FARS2: variants seen among roughly 807,000 people sequenced by gnomAD.
FARS2 encodes phenylalanine--tRNA ligase, mitochondrial.
Under a neutral mutation model 46.4 loss-of-function variants are expected in FARS2, and 40 were observed. That is an observed-to-expected ratio of 0.86 (90% confidence interval 0.67 to 1.12). FARS2 has a LOEUF of 1.12. Among genes scored for constraint, FARS2 ranks in the 50% most tolerant of loss-of-function variants. The pLI is 0.00. For missense variants in FARS2, 513 were observed against 567.9 expected, an observed-to-expected ratio of 0.90 and a Z score of 0.98; for synonymous variants, 234 against 214.9, an observed-to-expected ratio of 1.09 and a Z score of -0.78.
chr6:5,526,554 C>G (rs191669863), intron 4 of FARS2, among the ~76,000 whole-genome samples: 1 of 152,116 alleles, frequency 6.6e-6, no homozygotes, highest in Non-Finnish European at 1.5e-5. Context: ...TTTTGGAAAG[C>G]AATTTTTCTA....
rs751490637 is a variant in FARS2, at chr6:5,632,636, T to TCC, written c.1217+19316_1217+19317insCC. ...TTCCTTTCCTCCCTCCCTCCCTCCC[T>TCC]TCTTCCTTCCTTCCTTCCTTCCTCC... On this transcript the variant is annotated intron_variant, in intron 6 of 6. Coordinates refer to ENST00000274680, the MANE Select transcript of FARS2 (RefSeq NM_006567.5). 6.0e-4 allele frequency among the ~76,000 whole-genome samples: 47 copies of TCC among 78,868 alleles called. No homozygotes were observed. In the East Asian group the frequency reaches 7.9e-3, roughly 13 times the overall value. 51.7% of individuals were successfully genotyped at this position (78,868 alleles called of 152,430 possible).
Position 5,508,648 on chromosome 6 carries a change from CT to C in FARS2, c.905-36531del, listed in dbSNP as rs369770025. The stretch of plus-strand genomic sequence containing the variant: ...TACAGGACAGAAGTGAGACCGAAGT[CT>C]GAATTGAAGGCCCTGAAAGGTAAAA... On this transcript the variant is annotated intron_variant, in intron 4 of 6. Transcript: ENST00000274680. 6.8e-3 allele frequency among the ~76,000 whole-genome samples: 1,037 copies of C among 152,328 alleles called. 11 individuals carry two copies. The highest frequency in any genetic ancestry group is 0.024 in the African/African-American group (994 of 41,582).
At chr6:5,509,574 C>A (rs926058925) in intron 4 of FARS2, among the ~76,000 whole-genome samples, 1 of 152,060 alleles carries the variant, frequency 6.6e-6, no homozygotes, top group Non-Finnish European at 1.5e-5. Context: ...AAGGGTAAGG[C>A]GAGAGGTCCC....
In FARS2 at chr6:5,330,938, T is replaced by C. The variant is rs551272619; in HGVS notation, c.-21-37612T>C. 1.3e-4 allele frequency among the ~76,000 whole-genome samples: 20 copies of C among 152,016 alleles called. No homozygotes were observed. The South Asian group carries it at 4.2e-3, about 32-fold the overall frequency. On this transcript the variant is annotated intron_variant, in intron 1 of 6. Transcript: ENST00000274680. ...CTGGGCAACATGGTAAAACCCCATC[T>C]CCAAAAAAATCCCCAAAATTAGCCA...
intron 3 of FARS2, among the ~76,000 whole-genome samples, chr6:5,422,763 C>CTGTT (rs1762626007): frequency 1.3e-5 from 2 of 152,108 alleles, no homozygotes; most frequent in Admixed American, 6.5e-5. Context: ...ATGTCAGTTA[C>CTGTT]CCAGGAACAC....
At chr6:5,425,618 C>T (rs1177338842) in intron 3 of FARS2, among the ~76,000 whole-genome samples, 1 of 152,156 alleles carries the variant, frequency 6.6e-6, no homozygotes, top group Non-Finnish European at 1.5e-5. Context: ...GTGCTGCCTT[C>T]CCCATCCCTG....
At chr6:5,732,587 A>G (rs6926774) in intron 6 of FARS2, among the ~76,000 whole-genome samples, 54,242 of 152,088 alleles carry the variant, frequency 0.36, 11,814 homozygotes, top group East Asian at 0.82. Context: ...AGAACTTGGA[A>G]AGAAGAGTGG....
chr6:5,747,375 T>C (rs1288879923), intron 6 of FARS2, among the ~76,000 whole-genome samples: 1 of 152,170 alleles, frequency 6.6e-6, no homozygotes, highest in Non-Finnish European at 1.5e-5. Flanking sequence ...AGTTAGACCA[T>C]TGCAAAAATG....
At chr6:5,687,068 G>C (rs1432447710) in intron 6 of FARS2, among the ~76,000 whole-genome samples, 2 of 152,068 alleles carry the variant, frequency 1.3e-5, no homozygotes, top group East Asian at 3.9e-4. Context: ...TTGTAAATTT[G>C]TTTGAGTTCA....
rs532900992 is a variant in FARS2, at chr6:5,354,589, C to A, written c.-21-13961C>A. Among the ~76,000 whole-genome samples, 40 of 151,574 alleles carry A rather than the reference C, an allele frequency of 2.6e-4. No homozygotes were observed. The South Asian group carries it at 2.9e-3, about 11-fold the overall frequency. On this transcript the variant is annotated intron_variant, in intron 1 of 6. Coordinates refer to ENST00000274680, the MANE Select transcript of FARS2 (RefSeq NM_006567.5). ...AGTGCAGTGGCACGATCTCTGCTCG[C>A]TGCAAGCTCCGCCTCCCAGGTTCAT...
chr6:5,363,947 C>T (rs1026542545), intron 1 of FARS2, among the ~76,000 whole-genome samples: 1 of 152,184 alleles, frequency 6.6e-6, no homozygotes, highest in African/African-American at 2.4e-5. Flanking sequence ...ACCTCATTTC[C>T]AAACTATAAT....
chr6:5,476,228 C>T (rs1766113903), intron 4 of FARS2, among the ~76,000 whole-genome samples: 1 of 152,162 alleles, frequency 6.6e-6, no homozygotes, highest in African/African-American at 2.4e-5. Context: ...GGAACATGCC[C>T]ACACCTAGAC....
intron 6 of FARS2, among the ~76,000 whole-genome samples, chr6:5,715,851 A>G (rs1226300361): frequency 6.6e-6 from 1 of 152,244 alleles, no homozygotes; most frequent in Non-Finnish European, 1.5e-5. Flanking sequence ...GCTGAGTTAC[A>G]CATGATAACT....
At chr6:5,636,258 TAGC>T (rs1443917733) in intron 6 of FARS2, among the ~76,000 whole-genome samples, 1 of 152,226 alleles carries the variant, frequency 6.6e-6, no homozygotes, top group Non-Finnish European at 1.5e-5. Context: ...CTCTATGTGA[TAGC>T]AGGGTTGAGA....
intron 4 of FARS2, among the ~76,000 whole-genome samples, chr6:5,470,111 C>T (rs1202530404): frequency 6.6e-6 from 1 of 152,068 alleles, no homozygotes; most frequent in African/African-American, 2.4e-5. Context: ...AACACCATTC[C>T]AAAAGGAGTT....
chr6:5,627,899 G>A (rs1776112840), intron 6 of FARS2, among the ~76,000 whole-genome samples: 1 of 152,174 alleles, frequency 6.6e-6, no homozygotes, highest in South Asian at 2.1e-4. Flanking sequence ...TTTCTTGAAA[G>A]GGAGAAACTG....
intron 5 of FARS2, among the ~76,000 whole-genome samples, chr6:5,579,186 A>G (rs1465050841): frequency 6.6e-6 from 1 of 152,220 alleles, no homozygotes; most frequent in Non-Finnish European, 1.5e-5. Context: ...ATGTACTTAA[A>G]GGTGTAAATA....
At chr6:5,733,928 G>C (rs556832341) in intron 6 of FARS2, among the ~76,000 whole-genome samples, 5 of 152,216 alleles carry the variant, frequency 3.3e-5, no homozygotes, top group Non-Finnish European at 7.3e-5. Context: ...TATTGCAGTT[G>C]TTGTAAGAAT....
chr6:5,344,329 C>T (rs773739178), intron 1 of FARS2, among the ~76,000 whole-genome samples: 1 of 152,212 alleles, frequency 6.6e-6, no homozygotes, highest in Non-Finnish European at 1.5e-5. Flanking sequence ...GGATTTGTAA[C>T]AGATCACACT....
Sources: gnomAD v4.1 joint callset for allele counts (sites outside exome capture counted in the v4.1 genomes callset) on GRCh38, gnomAD v4.1.1 for gene constraint, MANE v1.5 for transcripts, NCBI Gene and HGNC (gene_info 2026-07-23, HGNC 2026-07-21) for gene names.